ITPRID1: variants seen among roughly 807,000 people sequenced by gnomAD.
ITPRID1 encodes ITPR interacting domain containing 1.
A neutral mutation model predicts 95.4 loss-of-function variants in ITPRID1; 96 were observed. The ratio of observed to expected loss-of-function variants is 1.01; its 90% CI spans 0.85 to 1.19. The LOEUF is 1.19. Among genes scored for constraint, ITPRID1 ranks in the 50% most tolerant of loss-of-function variants. ITPRID1 has a pLI of 0.00. For missense variants in ITPRID1, 1,339 were observed against 1,252.9 expected (o/e 1.07, Z -1.04); for synonymous variants, 510 against 453.6 (o/e 1.12, Z -1.58).
At chr7:31,581,222 A>G (rs1785392262) in intron 9 of ITPRID1, among the ~76,000 whole-genome samples, 2 of 152,218 alleles carry the variant, frequency 1.3e-5, no homozygotes, top group African/African-American at 2.4e-5. Flanking sequence ...TTTTGCCTCC[A>G]GATCAACCAA....
intron 10 of ITPRID1, among the ~76,000 whole-genome samples, chr7:31,631,252 G>A (rs1562633725): frequency 6.6e-6 from 1 of 152,032 alleles, no homozygotes; most frequent in Admixed American, 6.5e-5. Flanking sequence ...CCAAAATCTG[G>A]GGGCAAAAGG....
chr7:31,521,895 G>A (rs1203434009), intron 1 of ITPRID1, among the ~76,000 whole-genome samples: 1 of 128,062 alleles, frequency 7.8e-6, no homozygotes, highest in Non-Finnish European at 1.6e-5. Flanking sequence ...CTCCACATGG[G>A]CTAATTTAAT....
chr7:31,608,265 C>T (rs1264611085), intron 10 of ITPRID1, among the ~76,000 whole-genome samples: 1 of 151,774 alleles, frequency 6.6e-6, no homozygotes, highest in African/African-American at 2.4e-5. Flanking sequence ...ATTATTGTAC[C>T]TTTGTAGTAA....
intron 12 of ITPRID1, among the ~76,000 whole-genome samples, chr7:31,644,609 G>A (rs1403534824): frequency 2.0e-5 from 3 of 152,160 alleles, no homozygotes; most frequent in Non-Finnish European, 4.4e-5. Context: ...CTATTTAAAG[G>A]TGGACCCTAT....
chr7:31,562,086 C>G (rs1583500689), intron 5 of ITPRID1, among the ~76,000 whole-genome samples: 1 of 77,406 alleles, frequency 1.3e-5, no homozygotes, highest in Admixed American at 1.3e-4. Flanking sequence ...GAGAGAGTAT[C>G]TGGTTCATAG....
chr7:31,620,776 G>T (rs906128845), intron 10 of ITPRID1, among the ~76,000 whole-genome samples: 1 of 152,180 alleles, frequency 6.6e-6, no homozygotes, highest in Non-Finnish European at 1.5e-5. Context: ...CTTTGAGGAG[G>T]CGAGAGAAGA....
intron 1 of ITPRID1, chr7:31,518,413 A>G (rs930659040): frequency 2.6e-5 from 4 of 152,248 alleles, no homozygotes; most frequent in African/African-American, 7.2e-5. Context: ...CATATAAACT[A>G]TAATAGGCTC....
chr7:31,593,207 A>C (rs1785941328), intron 10 of ITPRID1, among the ~76,000 whole-genome samples: 2 of 152,122 alleles, frequency 1.3e-5, no homozygotes, highest in African/African-American at 4.8e-5. Context: ...CGGGAGGCTG[A>C]GGCAGGAGAA....
At chr7:31,638,193 G>A (rs1477233024) in intron 10 of ITPRID1, among the ~76,000 whole-genome samples, 1 of 152,140 alleles carries the variant, frequency 6.6e-6, no homozygotes, top group South Asian at 2.1e-4. Context: ...GGAGGAAAAC[G>A]GGTGGTATTT....
chr7:31,534,996 A>G (rs1030696812), intron 1 of ITPRID1, among the ~76,000 whole-genome samples: 2 of 152,126 alleles, frequency 1.3e-5, no homozygotes, highest in African/African-American at 2.4e-5. Flanking sequence ...GTTTTCTACA[A>G]TGATGGAAAC....
intron 10 of ITPRID1, among the ~76,000 whole-genome samples, chr7:31,627,663 A>AAAAAAAAC (rs1788598509): frequency 7.3e-6 from 1 of 137,096 alleles, no homozygotes; most frequent in African/African-American, 3.3e-5. Flanking sequence ...CTGTCTCAAA[A>AAAAAAAAC]AAAAAAAAAA....
chr7:31,526,314 G>T (rs866635992), intron 1 of ITPRID1, among the ~76,000 whole-genome samples: 1 of 152,116 alleles, frequency 6.6e-6, no homozygotes, highest in Non-Finnish European at 1.5e-5. Flanking sequence ...GGTTTATTGG[G>T]GGTTAACCCC....
chr7:31,643,046 C>T lies in ITPRID1; in HGVS notation c.1676C>T (p.Thr559Ile), dbSNP rs758034688. 1 of 1,614,050 alleles carries T rather than the reference C, an allele frequency of 6.2e-7. No homozygotes were observed. Among genetic ancestry groups the T allele is most frequent in the South Asian group, 1.1e-5 (1 of 91,088 alleles). The stretch of plus-strand genomic sequence containing the variant: ...TATGAGGTCACCAGACCCACAGCCA[C>T]TTCCAAATATGATCATCCTCTGGGG... ...AEYEVTRPTA[T>I]SKYDHPLGFM... Residue 559 changes from threonine to isoleucine, a missense_variant, in exon 12 of 15, where the codon ACT (threonine) becomes ATT (isoleucine). By Grantham distance (89) the Thr-to-Ile change is moderately conservative. Transcript: ENST00000615280.
intron 12 of ITPRID1, among the ~76,000 whole-genome samples, chr7:31,649,908 C>G (rs573911106): frequency 1.3e-5 from 2 of 152,182 alleles, no homozygotes; most frequent in South Asian, 2.1e-4. Flanking sequence ...GAGCTCCACT[C>G]CAATTTGTGC....
At chr7:31,634,004 C>G (rs1024151155) in intron 10 of ITPRID1, among the ~76,000 whole-genome samples, 6 of 152,176 alleles carry the variant, frequency 3.9e-5, no homozygotes, top group Non-Finnish European at 7.3e-5. Flanking sequence ...CCAGCCCAGC[C>G]CAGAAAAGCA....
In ITPRID1 at chr7:31,643,705, C is replaced by T. The variant is rs1292332634; in HGVS notation, c.2335C>T (p.Leu779Phe). The change falls in exon 12 of 15, where the codon CTC (leucine) becomes TTC (phenylalanine). Residue 779 changes from leucine (L) to phenylalanine (F), a missense_variant. Physicochemically the swap from Leu to Phe is conservative, Grantham distance 22. Coordinates refer to ENST00000615280, the MANE Select transcript of ITPRID1 (RefSeq NM_001257967.3). ...GACCTTGACACATGGGCCCCAGCCC[C>T]TCACCAAATCCGTCTCTCTAGACTC... ...NKTLTHGPQP[L>F]TKSVSLDSGF... 6.2e-7 allele frequency: 1 copy of T among 1,614,062 alleles called. No homozygotes were observed. Among genetic ancestry groups the T allele is most frequent in the South Asian group, 1.1e-5 (1 of 91,082 alleles).
chr7:31,623,045 C>T (rs1788072601), intron 10 of ITPRID1, among the ~76,000 whole-genome samples: 2 of 152,156 alleles, frequency 1.3e-5, no homozygotes, highest in Admixed American at 1.3e-4. Flanking sequence ...CCTCCCAAGA[C>T]TAAACCAGGA....
At chr7:31,526,238 G>A (rs996504932) in intron 1 of ITPRID1, among the ~76,000 whole-genome samples, 7 of 152,200 alleles carry the variant, frequency 4.6e-5, no homozygotes, top group South Asian at 2.1e-4. Context: ...AAAGTGTATC[G>A]CAGTTGGTAT....
At chr7:31,535,160 C>T (rs1169046136) in intron 1 of ITPRID1, among the ~76,000 whole-genome samples, 1 of 151,972 alleles carries the variant, frequency 6.6e-6, no homozygotes, top group Non-Finnish European at 1.5e-5. Flanking sequence ...GTAGTGGTTA[C>T]CTTGTCACCA....
Sources: gnomAD v4.1 joint callset for allele counts (sites outside exome capture counted in the v4.1 genomes callset) on GRCh38, gnomAD v4.1.1 for gene constraint, MANE v1.5 for transcripts, NCBI Gene and HGNC (gene_info 2026-07-23, HGNC 2026-07-21) for gene names.